The following ZNF804A variants were observed in gnomAD, a reference collection of about 807,000 sequenced individuals.
ZNF804A encodes the protein zinc finger protein 804A.
Under a neutral mutation model 16.5 loss-of-function variants are expected in ZNF804A, and 2 were observed. The observed-to-expected ratio is 0.12, with a 90% CI of 0.05 to 0.38. The LOEUF is 0.38. Ranked by LOEUF, ZNF804A falls within the 10% of genes least tolerant of loss-of-function variation. The pLI is 0.99. For synonymous variants in ZNF804A, 534 were observed against 489.6 expected (o/e 1.09, Z -1.20); for missense variants, 1,473 against 1,390.7 (o/e 1.06, Z -0.94).
At chr2:184,908,377 T>C (rs1558999493) in intron 2 of ZNF804A, among the ~76,000 whole-genome samples, 2 of 152,240 alleles carry the variant, frequency 1.3e-5, no homozygotes, top group South Asian at 4.1e-4. Context: ...GACTCACTCG[T>C]TGATTATAAG....
At chr2:184,762,404 T>G (rs199590264) in intron 1 of ZNF804A, among the ~76,000 whole-genome samples, 1 of 151,902 alleles carries the variant, frequency 6.6e-6, no homozygotes, top group East Asian at 1.9e-4. Context: ...AAAGAAAAAT[T>G]TATCAAGTGT....
At chr2:184,791,707 T>C (rs1694547448) in intron 1 of ZNF804A, among the ~76,000 whole-genome samples, 1 of 152,110 alleles carries the variant, frequency 6.6e-6, no homozygotes, top group Non-Finnish European at 1.5e-5. Flanking sequence ...TAAACCAAAG[T>C]CCATAGTTTA....
chr2:184,750,652 A>G (rs1693864138), intron 1 of ZNF804A, among the ~76,000 whole-genome samples: 1 of 151,500 alleles, frequency 6.6e-6, no homozygotes, highest in East Asian at 1.9e-4. Flanking sequence ...GTTTTCTCCC[A>G]TCTTCTTTAT....
At chr2:184,847,533 A>G (rs992146916) in intron 1 of ZNF804A, among the ~76,000 whole-genome samples, 1 of 152,090 alleles carries the variant, frequency 6.6e-6, no homozygotes, top group Non-Finnish European at 1.5e-5. Context: ...CTTGCCAAAC[A>G]GGGAAAAGAT....
At chr2:184,838,799 A>G (rs1695393056) in intron 1 of ZNF804A, among the ~76,000 whole-genome samples, 1 of 152,142 alleles carries the variant, frequency 6.6e-6, no homozygotes, top group Non-Finnish European at 1.5e-5. Flanking sequence ...CTATAGAAAA[A>G]AAAATTCAAT....
chr2:184,718,254 C>T (rs62176233), intron 1 of ZNF804A, among the ~76,000 whole-genome samples: 21,054 of 151,202 alleles, frequency 0.14, 1,571 homozygotes, highest in Middle Eastern at 0.23. Context: ...AGAAAACCCA[C>T]CCCCATAACT....
In ZNF804A at chr2:184,937,891, C is replaced by A. The variant is rs1364798607; in HGVS notation, c.2495C>A (p.Thr832Lys). 1.2e-6 allele frequency: 2 copies of A among 1,613,932 alleles called. No individual in the cohort carries two copies. Among genetic ancestry groups the A allele is most frequent in the Non-Finnish European group, 1.7e-6 (2 of 1,179,984 alleles). The change falls in exon 4 of 4, where the codon ACA (threonine) becomes AAA (lysine). Residue 832 changes from threonine to lysine, a missense_variant. Transcript: ENST00000302277. ...GAAACTTTAGAACTCAAAGAAAATA[C>A]AGATTATCCCGTGAAAGACAATTCT... ...GFETLELKEN[T>K]DYPVKDNSSL...
At chr2:184,805,077 T>C (rs766589788) in intron 1 of ZNF804A, among the ~76,000 whole-genome samples, 6 of 152,188 alleles carry the variant, frequency 3.9e-5, no homozygotes, top group African/African-American at 9.6e-5. Context: ...GAGGACATTT[T>C]CCTTACAGCT....
chr2:184,845,625 G>C (rs1282592245), intron 1 of ZNF804A, among the ~76,000 whole-genome samples: 1 of 152,026 alleles, frequency 6.6e-6, no homozygotes, highest in Non-Finnish European at 1.5e-5. Flanking sequence ...TTACCTCTTG[G>C]AACCAGGCCT....
intron 1 of ZNF804A, among the ~76,000 whole-genome samples, chr2:184,634,877 C>T (rs1691670271): frequency 6.6e-6 from 1 of 152,040 alleles, no homozygotes; most frequent in African/African-American, 2.4e-5. Context: ...TGGTATTTGT[C>T]AGGCTTAAAT....
intron 2 of ZNF804A, among the ~76,000 whole-genome samples, chr2:184,914,661 T>C (rs1474008707): frequency 1.3e-5 from 2 of 152,138 alleles, no homozygotes; most frequent in African/African-American, 4.8e-5. Context: ...ACTGTTACAA[T>C]TAATTTAGTA....
intron 1 of ZNF804A, among the ~76,000 whole-genome samples, chr2:184,632,393 C>A (rs1393812655): frequency 1.3e-5 from 2 of 151,802 alleles, no homozygotes; most frequent in Non-Finnish European, 2.9e-5. Flanking sequence ...TACTAAGTAC[C>A]ATTTAGTGTT....
At chr2:184,918,649 T>C (rs1183407722) in intron 2 of ZNF804A, among the ~76,000 whole-genome samples, 1 of 152,206 alleles carries the variant, frequency 6.6e-6, no homozygotes, top group Non-Finnish European at 1.5e-5. Context: ...AAAATTTAAA[T>C]TAAAAATCCA....
rs188817910 is a variant in ZNF804A at position 184,936,408 on chromosome 2, G to A, written c.1012G>A (p.Glu338Lys). Residue 338 changes from glutamate (E) to lysine (K), a missense_variant, in exon 4 of 4, where the codon GAG becomes AAG. Glu to Lys is a moderately conservative substitution (Grantham distance 56). Transcript: ENST00000302277. Reference protein sequence around the residue: ...SVPLADQIPLESVVINEDIPV... With the variant: ...SVPLADQIPLKSVVINEDIPV... ...CCCATTAGCAGATCAAATACCACTA[G>A]AGAGTGTTGTTATTAATGAAGACAT... The A allele has an allele frequency of 9.9e-6, 16 of 1,613,938 alleles. No individual in the cohort carries two copies. Among genetic ancestry groups the A allele is most frequent in the Non-Finnish European group, 1.4e-5 (16 of 1,179,926 alleles).
At chr2:184,864,375 C>T (rs1479875642) in intron 1 of ZNF804A, among the ~76,000 whole-genome samples, 1 of 152,192 alleles carries the variant, frequency 6.6e-6, no homozygotes, top group East Asian at 1.9e-4. Flanking sequence ...CTGCCCTTAT[C>T]ACCCAAACAC....
intron 2 of ZNF804A, among the ~76,000 whole-genome samples, chr2:184,916,446 A>AGAC (rs1302871995): frequency 6.6e-6 from 1 of 152,214 alleles, no homozygotes; most frequent in African/African-American, 2.4e-5. Flanking sequence ...TCATATGAGG[A>AGAC]GACAGAAGTC....
At chr2:184,870,213 CA>C (rs1455671054) in intron 2 of ZNF804A, among the ~76,000 whole-genome samples, 5 of 151,758 alleles carry the variant, frequency 3.3e-5, no homozygotes, top group African/African-American at 1.2e-4. Flanking sequence ...CAGAGTAAAG[CA>C]AAGTGCAATG....
chr2:184,607,588 C>A (rs1180323575), intron 1 of ZNF804A, among the ~76,000 whole-genome samples: 2 of 152,042 alleles, frequency 1.3e-5, no homozygotes, highest in African/African-American at 2.4e-5. Context: ...CAGGTCCCCC[C>A]CTTCCACCCC....
chr2:184,891,125 G>C (rs919319404), intron 2 of ZNF804A, among the ~76,000 whole-genome samples: 3 of 152,060 alleles, frequency 2.0e-5, no homozygotes, highest in Non-Finnish European at 4.4e-5. Flanking sequence ...CAGAAACCTT[G>C]TTTCTGCAGG....
Sources: gnomAD v4.1 joint callset for allele counts (sites outside exome capture counted in the v4.1 genomes callset) on GRCh38, gnomAD v4.1.1 for gene constraint, MANE v1.5 for transcripts, NCBI Gene and HGNC (gene_info 2026-07-23, HGNC 2026-07-21) for gene names.